DIAPH2: variants seen among roughly 807,000 people sequenced by gnomAD.
DIAPH2 encodes diaphanous related formin 2.
A neutral mutation model predicts 92.7 loss-of-function variants in DIAPH2; 35 were observed. The ratio of observed to expected loss-of-function variants is 0.38; its 90% confidence interval spans 0.29 to 0.50. The LOEUF is 0.50. Ranked by LOEUF, DIAPH2 falls within the 20% of genes least tolerant of loss-of-function variation. DIAPH2 has a pLI of 0.94. For synonymous variants in DIAPH2, 301 were observed against 280.4 expected (o/e 1.07, Z -0.73); for missense variants, 701 against 819.5 (o/e 0.86, Z 1.77).
intron 17 of DIAPH2, among the ~76,000 whole-genome samples, chrX:97,021,399 T>C (rs2066296693): frequency 9.0e-6 from 1 of 111,466 alleles, no homozygotes. Context: ...GGTTTCACCA[T>C]GTCACACAGG....
rs1443486126 is a variant in DIAPH2 at position 96,799,070 on chromosome X, T to C, written c.447+40812T>C. ...ATATCTGGAACTGTTTTTTTTTTTT[T>C]CTGTGGGGATTCCTCTTCTCTGGTA... On this transcript the variant is annotated intron_variant, in intron 4 of 26. Coordinates refer to ENST00000324765, the MANE Select transcript of DIAPH2 (RefSeq NM_006729.5). Among the ~76,000 whole-genome samples the C allele has an allele frequency of 7.4e-5, 8 of 107,971 alleles. No homozygotes were observed. In the East Asian group the frequency reaches 2.4e-3, roughly 32 times the overall value. The allele number at this position is 107,971 out of a possible 115,157, so 93.8% of individuals were successfully genotyped here. A position where few individuals can be genotyped will look rare whatever the true frequency, so the allele number is the denominator to read the frequency against.
At chrX:96,968,069 T>C (rs1480771699) in intron 17 of DIAPH2, among the ~76,000 whole-genome samples, 1 of 110,682 alleles carries the variant, frequency 9.0e-6, no homozygotes, top group African/African-American at 3.3e-5. Context: ...GTTTGGGTTT[T>C]TTTTTTGGCT....
chrX:97,545,689 A>G (rs950141600), intron 26 of DIAPH2, among the ~76,000 whole-genome samples: 1 of 109,289 alleles, frequency 9.2e-6, no homozygotes, highest in African/African-American at 3.3e-5. Context: ...TATCATATTA[A>G]ATTTCTCCCG....
At chrX:96,885,112 C>G (rs1306575495) in intron 5 of DIAPH2, 3 of 1,187,887 alleles carry the variant, frequency 2.5e-6, no homozygotes. Flanking sequence ...GGAAAACATC[C>G]TTTCATTTTT....
chrX:97,227,691 T>C (rs1328809198), intron 22 of DIAPH2, among the ~76,000 whole-genome samples: 3 of 111,993 alleles, frequency 2.7e-5, no homozygotes, highest in Non-Finnish European at 5.6e-5. Context: ...ATAAGTCTTA[T>C]AAAGTCAGAG....
At chrX:96,755,907 A>G (rs1275144717) in intron 3 of DIAPH2, among the ~76,000 whole-genome samples, 1 of 103,244 alleles carries the variant, frequency 9.7e-6, no homozygotes, top group Non-Finnish European at 2.0e-5. Flanking sequence ...TCAGATTTCC[A>G]GGCTGGAGTG....
At chrX:96,803,197 A>G (rs1304682256) in intron 4 of DIAPH2, among the ~76,000 whole-genome samples, 1 of 111,265 alleles carries the variant, frequency 9.0e-6, no homozygotes, top group African/African-American at 3.3e-5. Context: ...CTGACACTCA[A>G]TATTAACCAT....
intron 24 of DIAPH2, among the ~76,000 whole-genome samples, chrX:97,372,064 G>A (rs1446985321): frequency 8.9e-6 from 1 of 112,506 alleles, no homozygotes; most frequent in Non-Finnish European, 1.9e-5. Context: ...GAAACCTGCA[G>A]CATTAGAAAA....
intron 4 of DIAPH2, among the ~76,000 whole-genome samples, chrX:96,813,071 A>G (rs1317062188): frequency 1.8e-5 from 2 of 111,454 alleles, no homozygotes; most frequent in Non-Finnish European, 3.8e-5. Flanking sequence ...AGTGCTGGAT[A>G]TCCTTGTTAA....
At chrX:97,043,015 T>C (rs2147887791) in intron 17 of DIAPH2, among the ~76,000 whole-genome samples, 1 of 111,980 alleles carries the variant, frequency 8.9e-6, no homozygotes, top group Non-Finnish European at 1.9e-5. Flanking sequence ...AGATTTATTT[T>C]GTTTTATCCA....
At chrX:96,708,878 G>T (rs1410482085) in intron 1 of DIAPH2, among the ~76,000 whole-genome samples, 1 of 111,415 alleles carries the variant, frequency 9.0e-6, no homozygotes, top group Admixed American at 9.6e-5. Flanking sequence ...CTATTTTTCA[G>T]AAGTTCTCTT....
chrX:97,149,125 T>C (rs1476519352), intron 22 of DIAPH2, among the ~76,000 whole-genome samples: 2 of 112,220 alleles, frequency 1.8e-5, no homozygotes, highest in Non-Finnish European at 3.8e-5. Context: ...TTTGAGTTTT[T>C]TAGTAATCTA....
At chrX:97,004,045 T>C (rs1467055143) in intron 17 of DIAPH2, among the ~76,000 whole-genome samples, 1 of 111,671 alleles carries the variant, frequency 9.0e-6, no homozygotes, top group Non-Finnish European at 1.9e-5. Context: ...GAAGACATTG[T>C]CCTTTCCCCC....
intron 17 of DIAPH2, among the ~76,000 whole-genome samples, chrX:96,977,285 A>G (rs2065968148): frequency 8.9e-6 from 1 of 112,146 alleles, no homozygotes; most frequent in African/African-American, 3.2e-5. Flanking sequence ...TCTTTCTATA[A>G]TTTAGATTTT....
intron 23 of DIAPH2, among the ~76,000 whole-genome samples, chrX:97,342,692 G>A (rs1168742082): frequency 8.9e-6 from 1 of 111,777 alleles, no homozygotes; most frequent in Non-Finnish European, 1.9e-5. Context: ...TTTTTAAGTA[G>A]GGAAAGGTAG....
intron 4 of DIAPH2, among the ~76,000 whole-genome samples, chrX:96,769,809 G>C (rs866270722): frequency 5.3e-5 from 6 of 112,197 alleles, no homozygotes; most frequent in South Asian, 7.5e-4. Flanking sequence ...TGTTGCAAGA[G>C]TTTTCTCAAA....
chrX:97,358,732 A>C (rs1047590224), intron 24 of DIAPH2, among the ~76,000 whole-genome samples: 1 of 111,119 alleles, frequency 9.0e-6, no homozygotes, highest in African/African-American at 3.3e-5. Context: ...TGTAAATTGT[A>C]GAAAAATTAG....
chrX:97,095,202 T>C (rs996744323), intron 19 of DIAPH2, among the ~76,000 whole-genome samples: 7 of 89,222 alleles, frequency 7.8e-5, no homozygotes, highest in African/African-American at 3.0e-4. Flanking sequence ...CTGCAAGCTC[T>C]GCCTCCCGGG....
At chrX:96,838,387 T>G (rs2064913268) in intron 4 of DIAPH2, among the ~76,000 whole-genome samples, 1 of 112,128 alleles carries the variant, frequency 8.9e-6, no homozygotes, top group Admixed American at 9.5e-5. Context: ...AACTTCTGTT[T>G]GTTATAAAAC....
Sources: allele counts gnomAD v4.1 joint callset (sites outside exome capture counted in the v4.1 genomes callset), GRCh38; gene constraint gnomAD v4.1.1; transcripts MANE v1.5; gene names NCBI Gene and HGNC (gene_info 2026-07-23, HGNC 2026-07-21).